The following PTPRG variants were observed in gnomAD, a reference collection of about 807,000 sequenced individuals.
The protein encoded by PTPRG is protein tyrosine phosphatase receptor type G.
PTPRG carries 102 observed loss-of-function variants against 165.3 expected under a neutral mutation model. The ratio of observed to expected loss-of-function variants is 0.62; its 90% CI spans 0.53 to 0.73. The LOEUF (loss-of-function observed/expected upper bound fraction) is 0.73, where lower values mean the gene tolerates loss of function less well. Among genes scored for constraint, PTPRG ranks in the 30% least tolerant of loss-of-function variants. The pLI is 0.00. For missense variants in PTPRG, 1,866 were observed against 1,861.4 expected (o/e 1.00, Z -0.05); for synonymous variants, 675 against 669.5 (o/e 1.01, Z -0.13).
At chr3:61,972,925 T>C (rs998504245) in intron 2 of PTPRG, among the ~76,000 whole-genome samples, 2 of 151,960 alleles carry the variant, frequency 1.3e-5, no homozygotes, top group Non-Finnish European at 2.9e-5. Context: ...TCCTAAAGTG[T>C]TGGGCTTATA....
intron 1 of PTPRG, among the ~76,000 whole-genome samples, chr3:61,624,330 A>G (rs915797723): frequency 6.6e-6 from 1 of 152,140 alleles, no homozygotes; most frequent in Non-Finnish European, 1.5e-5. Flanking sequence ...GAACCCAACT[A>G]AAAAACTACA....
At chr3:62,020,597 T>C (rs1466282104) in intron 4 of PTPRG, among the ~76,000 whole-genome samples, 1 of 152,172 alleles carries the variant, frequency 6.6e-6, no homozygotes, top group Non-Finnish European at 1.5e-5. Context: ...TAATAGATAA[T>C]GGGAGTCTTT....
chr3:61,824,553 A>G (rs2036054194), intron 2 of PTPRG, among the ~76,000 whole-genome samples: 1 of 152,036 alleles, frequency 6.6e-6, no homozygotes, highest in South Asian at 2.1e-4. Context: ...TTTCTCAGCA[A>G]GTATGGTGGC....
At chr3:62,129,393 C>A (rs1009876870) in intron 5 of PTPRG, among the ~76,000 whole-genome samples, 1 of 152,250 alleles carries the variant, frequency 6.6e-6, no homozygotes, top group South Asian at 2.1e-4. Flanking sequence ...GTGCTGCTGT[C>A]ACAGAATGCC....
chr3:62,048,995 G>T (rs1700383373), intron 4 of PTPRG, among the ~76,000 whole-genome samples: 1 of 152,048 alleles, frequency 6.6e-6, no homozygotes, highest in African/African-American at 2.4e-5. Context: ...ATATGTAACT[G>T]AATATTTTGC....
intron 6 of PTPRG, among the ~76,000 whole-genome samples, chr3:62,135,566 T>C (rs1703677182): frequency 6.6e-6 from 1 of 152,226 alleles, no homozygotes; most frequent in Non-Finnish European, 1.5e-5. Context: ...TAAATGTTTC[T>C]TCAGCTGAAA....
Position 62,092,313 on chromosome 3 carries a change from G to A in PTPRG, c.615+14055G>A, listed in dbSNP as rs1017729147. 5.9e-5 allele frequency among the ~76,000 whole-genome samples: 9 copies of A among 151,694 alleles called. No individual in the cohort carries two copies. The South Asian group carries it at 1.0e-3, about 18-fold the overall frequency. Reference sequence around the variant, plus strand: ...AATTTAGCTGGCCGTGGTGGTGGGCGCCTGTAATCCCTGCTGCTCGGGAGG... The same window carrying A: ...AATTTAGCTGGCCGTGGTGGTGGGCACCTGTAATCCCTGCTGCTCGGGAGG... On this transcript the variant is annotated intron_variant, in intron 5 of 29. Transcript: ENST00000474889.
intron 1 of PTPRG, among the ~76,000 whole-genome samples, chr3:61,702,677 T>C (rs574949283): frequency 6.6e-6 from 1 of 152,288 alleles, no homozygotes; most frequent in Admixed American, 6.5e-5. Context: ...CTGTCATTTT[T>C]CCCAACCCCC....
At chr3:61,693,881 G>A (rs934096268) in intron 1 of PTPRG, among the ~76,000 whole-genome samples, 6 of 151,882 alleles carry the variant, frequency 4.0e-5, no homozygotes, top group South Asian at 2.1e-4. Context: ...GGCAGCGGGC[G>A]CTTGTAGTCC....
intron 1 of PTPRG, among the ~76,000 whole-genome samples, chr3:61,599,093 C>G (rs1447925658): frequency 6.6e-6 from 1 of 152,184 alleles, no homozygotes; most frequent in Non-Finnish European, 1.5e-5. Flanking sequence ...GTCAAGCAAC[C>G]TCAGTCAAGC....
chr3:61,914,400 T>A (rs1222656359), intron 2 of PTPRG, among the ~76,000 whole-genome samples: 1 of 152,200 alleles, frequency 6.6e-6, no homozygotes, highest in Non-Finnish European at 1.5e-5. Context: ...TAGAGAAATG[T>A]TCCAGAGAAA....
At chr3:61,813,868 C>T (rs1411675850) in intron 2 of PTPRG, among the ~76,000 whole-genome samples, 4 of 148,462 alleles carry the variant, frequency 2.7e-5, no homozygotes, top group African/African-American at 9.9e-5. Flanking sequence ...TTAATTCTTA[C>T]AGACATCTTA....
intron 1 of PTPRG, among the ~76,000 whole-genome samples, chr3:61,696,946 G>A (rs1404656335): frequency 6.6e-6 from 1 of 152,130 alleles, no homozygotes; most frequent in Non-Finnish European, 1.5e-5. Flanking sequence ...TACTCAGTGG[G>A]GATGATGACA....
chr3:61,655,066 C>T (rs1476917950), intron 1 of PTPRG, among the ~76,000 whole-genome samples: 1 of 152,042 alleles, frequency 6.6e-6, no homozygotes, highest in Non-Finnish European at 1.5e-5. Flanking sequence ...GGATTACAGG[C>T]GTGAGCCACC....
At chr3:62,181,132 G>C (rs977990539) in intron 8 of PTPRG, among the ~76,000 whole-genome samples, 1 of 152,156 alleles carries the variant, frequency 6.6e-6, no homozygotes, top group Admixed American at 6.5e-5. Flanking sequence ...GGTAACAGGT[G>C]GCATCAGTGA....
intron 5 of PTPRG, among the ~76,000 whole-genome samples, chr3:62,083,486 C>T (rs1330014402): frequency 6.6e-6 from 1 of 152,210 alleles, no homozygotes; most frequent in African/African-American, 2.4e-5. Context: ...ATTCTGATAA[C>T]ACCCTTCATG....
At chr3:62,126,928 C>T (rs1703314470) in intron 5 of PTPRG, among the ~76,000 whole-genome samples, 1 of 152,060 alleles carries the variant, frequency 6.6e-6, no homozygotes, top group African/African-American at 2.4e-5. Context: ...TGATAAGAGA[C>T]ACTAGAAAAT....
At chr3:61,788,364 G>A (rs556692277) in intron 2 of PTPRG, among the ~76,000 whole-genome samples, 4 of 152,262 alleles carry the variant, frequency 2.6e-5, no homozygotes, top group East Asian at 1.9e-4. Context: ...TTGGCAATGC[G>A]TGAACATTTT....
chr3:61,713,164 GT>G (rs71100971), intron 1 of PTPRG, among the ~76,000 whole-genome samples: 480 of 111,760 alleles, frequency 4.3e-3, no homozygotes, highest in African/African-American at 9.4e-3. Flanking sequence ...CATCAAATAT[GT>G]TTTTTTTTTT....
Sources: gnomAD v4.1 joint callset for allele counts (sites outside exome capture counted in the v4.1 genomes callset) on GRCh38, gnomAD v4.1.1 for gene constraint, MANE v1.5 for transcripts, NCBI Gene and HGNC (gene_info 2026-07-23, HGNC 2026-07-21) for gene names.